The following HIVEP1 variants were observed in gnomAD, a reference collection of about 807,000 sequenced individuals.
HIVEP1 encodes HIVEP zinc finger 1.
HIVEP1 carries 36 observed loss-of-function variants against 180.0 expected under a neutral mutation model. The ratio of observed to expected loss-of-function variants is 0.20; its 90% confidence interval spans 0.15 to 0.26. The LOEUF is 0.26. Ranked by LOEUF, HIVEP1 falls within the 10% of genes least tolerant of loss-of-function variation. The pLI is 1.00. For missense variants in HIVEP1, 3,143 were observed against 3,268.7 expected (o/e 0.96, Z 0.94); for synonymous variants, 1,239 against 1,239.0 (o/e 1.00, Z 0.00).
rs115925406 is a variant in HIVEP1 at position 12,063,658 on chromosome 6, G to A, written c.41-25526G>A. 9.1e-3 allele frequency among the ~76,000 whole-genome samples: 1,386 copies of A among 152,258 alleles called. 17 individuals are homozygous for A. The highest frequency in any genetic ancestry group is 0.032 in the African/African-American group (1,314 of 41,536). Reference sequence around the variant, plus strand: ...AAGTGGGCAGCTTGGAGAGGTTTTTGGAGGAAGAATCAGAGGACTTGGGGA... The same window carrying A: ...AAGTGGGCAGCTTGGAGAGGTTTTTAGAGGAAGAATCAGAGGACTTGGGGA... On this transcript the variant is annotated intron_variant, in intron 2 of 8. Coordinates refer to ENST00000379388, the MANE Select transcript of HIVEP1 (RefSeq NM_002114.4). This position sits in a 1 kb window ranked among gnomAD's most constrained non-coding sequence, Gnocchi z 4.2.
chr6:12,168,185 G>A (rs28495135), downstream of HIVEP1, among the ~76,000 whole-genome samples: 1 of 35,728 alleles, frequency 2.8e-5, no homozygotes, highest in Non-Finnish European at 5.1e-5. Context: ...ATTATATATA[G>A]ATATACGTGT....
At chr6:12,184,946 A>T in the HIVEP1 span, among the ~76,000 whole-genome samples, 1 of 152,234 alleles carries the variant, frequency 6.6e-6, no homozygotes, top group Non-Finnish European at 1.5e-5. Context: ...TAATATTCAT[A>T]CATGTGTACA....
chr6:12,139,215 C>G (rs1488796883), intron 7 of HIVEP1, among the ~76,000 whole-genome samples: 1 of 152,246 alleles, frequency 6.6e-6, no homozygotes, highest in East Asian at 1.9e-4. Context: ...TTACCATCTC[C>G]CTGAGGCTCA....
intron 2 of HIVEP1, among the ~76,000 whole-genome samples, chr6:12,071,595 G>T (rs754598223): frequency 4.2e-4 from 64 of 152,198 alleles, no homozygotes; most frequent in Admixed American, 9.8e-4. Context: ...AACAGAAGGT[G>T]CTTTCAGTTT....
intron 7 of HIVEP1, among the ~76,000 whole-genome samples, chr6:12,152,163 CA>C (rs1221859017): frequency 6.6e-6 from 1 of 151,084 alleles, no homozygotes; most frequent in African/African-American, 2.4e-5. Context: ...GACTTCATCT[CA>C]AAAAAACAAA....
At position 12,018,085 on chromosome 6, in the gene HIVEP1, C is replaced by T. The variant is rs144367253; in HGVS notation, c.40+2417C>T. Among the ~76,000 whole-genome samples the T allele has an allele frequency of 1.6e-3, 241 of 152,304 alleles. 1 individual carries two copies. Among genetic ancestry groups the T allele is most frequent in the African/African-American group, 5.2e-3 (216 of 41,576 alleles). ...GCCCCACGGGGAAGCAGCTAAAGCC[C>T]GGCGAGAAATCGAGCGCAGCACCAG... On this transcript the variant is annotated intron_variant, in intron 2 of 8. Transcript: ENST00000379388.
chr6:12,211,913 A>C, the HIVEP1 span, among the ~76,000 whole-genome samples: 1 of 152,214 alleles, frequency 6.6e-6, no homozygotes, highest in Non-Finnish European at 1.5e-5. Flanking sequence ...TACCCTAAAA[A>C]AAATTTTTTT....
chr6:12,085,449 G>A (rs1018897210), intron 2 of HIVEP1, among the ~76,000 whole-genome samples: 6 of 152,064 alleles, frequency 3.9e-5, no homozygotes, highest in African/African-American at 1.4e-4. Flanking sequence ...AAAGAACCTC[G>A]TTAACCACAC....
chr6:12,208,829 G>T, the HIVEP1 span, among the ~76,000 whole-genome samples: 1 of 152,198 alleles, frequency 6.6e-6, no homozygotes. Context: ...AAAACAGTGA[G>T]AAAATAAACT....
At chr6:12,108,291 C>T (rs566987210) in intron 3 of HIVEP1, among the ~76,000 whole-genome samples, 43 of 152,266 alleles carry the variant, frequency 2.8e-4, no homozygotes, top group African/African-American at 7.5e-4. Context: ...AGATTCTCCG[C>T]GTCCCCACCA....
At chr6:12,021,823 C>CGCA in intron 2 of HIVEP1, among the ~76,000 whole-genome samples, 1 of 151,896 alleles carries the variant, frequency 6.6e-6, no homozygotes, top group East Asian at 1.9e-4. Context: ...GTGCTACCAC[C>CGCA]CCCGGCTAAT....
At chr6:12,090,734 CCTTTTTTT>C (rs1168038419) in intron 3 of HIVEP1, among the ~76,000 whole-genome samples, 3 of 103,104 alleles carry the variant, frequency 2.9e-5, no homozygotes, top group African/African-American at 1.0e-4. Flanking sequence ...CTATAGCCAG[CCTTTTTTT>C]TTTTTTTTTT....
At chr6:12,044,289 G>A (rs1769969161) in intron 2 of HIVEP1, among the ~76,000 whole-genome samples, 1 of 152,096 alleles carries the variant, frequency 6.6e-6, no homozygotes, top group African/African-American at 2.4e-5. Context: ...TTTATGGACT[G>A]GTCAAGATAG....
At chr6:12,134,322 CT>C (rs2077865374) in intron 6 of HIVEP1, among the ~76,000 whole-genome samples, 1 of 152,032 alleles carries the variant, frequency 6.6e-6, no homozygotes, top group Non-Finnish European at 1.5e-5. Flanking sequence ...TTTGATGGAC[CT>C]TAGCCATCAT....
At chr6:12,151,686 G>T (rs1463585319) in intron 7 of HIVEP1, among the ~76,000 whole-genome samples, 1 of 152,158 alleles carries the variant, frequency 6.6e-6, no homozygotes, top group African/African-American at 2.4e-5. Context: ...TAATGTCAAG[G>T]GCTGGATAGT....
intron 7 of HIVEP1, among the ~76,000 whole-genome samples, chr6:12,152,210 A>G (rs1387713254): frequency 6.6e-6 from 1 of 152,172 alleles, no homozygotes; most frequent in East Asian, 1.9e-4. Context: ...TACTCAACAT[A>G]GTATCATAGT....
intron 2 of HIVEP1, among the ~76,000 whole-genome samples, chr6:12,032,024 A>G (rs1383025611): frequency 6.6e-6 from 1 of 152,118 alleles, no homozygotes; most frequent in Non-Finnish European, 1.5e-5. Context: ...CAGAAAATCT[A>G]GATGCTTTTT....
downstream of HIVEP1, among the ~76,000 whole-genome samples, chr6:12,167,715 AATAT>A (rs199615039): frequency 2.0e-4 from 15 of 75,110 alleles, no homozygotes; most frequent in East Asian, 3.9e-4. Context: ...ATATATGCAT[AATAT>A]ATATACATAT....
At position 12,164,872 on chromosome 6, in the gene HIVEP1, A is replaced by T. The variant is rs1449652059; in HGVS notation, c.*411A>T. 2.0e-5 allele frequency: 4 copies of T among 196,128 alleles called. No individual in the cohort carries two copies. Among genetic ancestry groups the T allele is most frequent in the Non-Finnish European group, 4.3e-5 (4 of 93,772 alleles). 12.1% of individuals were successfully genotyped at this position (196,128 alleles called of 1,614,324 possible). On this transcript the variant is annotated 3_prime_UTR_variant, in exon 9 of 9. Coordinates refer to ENST00000379388, the MANE Select transcript of HIVEP1 (RefSeq NM_002114.4). ...GTGTATAAATTAGTATGTAAACTCC[A>T]TATTTATTGTATTCATATTAGTCTT...
Sources: gnomAD v4.1 joint callset for allele counts (sites outside exome capture counted in the v4.1 genomes callset) on GRCh38, gnomAD v4.1.1 for gene constraint, Gnocchi (gnomAD v3.1) non-coding constraint, MANE v1.5 for transcripts, NCBI Gene and HGNC (gene_info 2026-07-23, HGNC 2026-07-21) for gene names.